The following PARP12 variants were observed in gnomAD, a reference collection of about 807,000 sequenced individuals.
PARP12 encodes protein mono-ADP-ribosyltransferase PARP12.
In PARP12, 59 loss-of-function variants were observed where a neutral mutation model predicts 72.4. The observed-to-expected ratio is 0.81, with a 90% confidence interval of 0.66 to 1.01. PARP12 has a LOEUF of 1.01. Ranked by LOEUF, PARP12 falls within the 50% of genes least tolerant of loss-of-function variation. PARP12 has a pLI of 0.00. For missense variants in PARP12, 851 were observed against 914.0 expected (o/e 0.93, Z 0.89); for synonymous variants, 403 against 371.4 (o/e 1.09, Z -0.98).
chr7:140,037,966 G>A (rs1816285315), intron 6 of PARP12, 110 bp from the exon 7 acceptor site: 1 of 1,487,536 alleles, frequency 6.7e-7, no homozygotes, highest in Non-Finnish European at 8.9e-7. Flanking sequence ...ACAGTCCTGT[G>A]GTGGGGAAGA....
chr7:140,031,462 C>G (rs1326099270), intron 8 of PARP12, among the ~76,000 whole-genome samples: 1 of 152,170 alleles, frequency 6.6e-6, no homozygotes, highest in African/African-American at 2.4e-5. Context: ...ATTTTATGAC[C>G]TCATTAATTG....
chr7:140,044,388 C>T (rs1319530657), intron 5 of PARP12, among the ~76,000 whole-genome samples: 1 of 152,114 alleles, frequency 6.6e-6, no homozygotes, highest in Non-Finnish European at 1.5e-5. Flanking sequence ...GAAATTTGAA[C>T]ACAGACACAT....
At chr7:140,033,217 G>A in intron 8 of PARP12, 2 of 985,322 alleles carry the variant, frequency 2.0e-6, no homozygotes, top group African/African-American at 3.5e-5. Flanking sequence ...AATTTAAAAA[G>A]GAAAAAGTAA....
At chr7:140,042,937 T>C (rs1585098248) in intron 5 of PARP12, among the ~76,000 whole-genome samples, 2 of 152,352 alleles carry the variant, frequency 1.3e-5, no homozygotes, top group East Asian at 3.9e-4. Flanking sequence ...GGCTCACGCC[T>C]GTAATCCCAG....
intron 8 of PARP12, chr7:140,033,545 G>A: frequency 3.0e-6 from 3 of 985,416 alleles, no homozygotes; most frequent in Non-Finnish European, 3.6e-6. Context: ...ATATGTGGCT[G>A]TGTGGTTTGG....
intron 8 of PARP12, chr7:140,034,020 G>A: frequency 8.4e-7 from 1 of 1,195,104 alleles, no homozygotes; most frequent in Non-Finnish European, 1.0e-6. Context: ...ATCACAACAG[G>A]CAGCCTTCTA....
intron 8 of PARP12, among the ~76,000 whole-genome samples, chr7:140,032,274 C>T (rs1815967209): frequency 6.6e-6 from 1 of 151,964 alleles, no homozygotes; most frequent in South Asian, 2.1e-4. Flanking sequence ...ATGATTCAAG[C>T]CCATGGAAAG....
intron 4 of PARP12, among the ~76,000 whole-genome samples, chr7:140,051,989 G>A (rs945319337): frequency 1.3e-5 from 2 of 152,194 alleles, no homozygotes; most frequent in Non-Finnish European, 1.5e-5. Flanking sequence ...CTGTTGCTGT[G>A]ACTTCTGCTC....
intron 11 of PARP12, 87 bp downstream of exon 11, chr7:140,026,110 C>G: frequency 1.3e-6 from 2 of 1,596,610 alleles, no homozygotes; most frequent in East Asian, 4.5e-5. Context: ...TCAGCTCAGG[C>G]TGGTCCCCTC....
chr7:140,061,452 TACAC>T (rs143130780), intron 1 of PARP12, among the ~76,000 whole-genome samples: 1 of 151,264 alleles, frequency 6.6e-6, no homozygotes, highest in Non-Finnish European at 1.5e-5. Flanking sequence ...AAGACAAACA[TACAC>T]ACACACACAC....
At chr7:140,037,683 G>A (rs769121023) in intron 7 of PARP12, 32 bp downstream of exon 7, 1 of 1,608,870 alleles carries the variant, frequency 6.2e-7, no homozygotes, top group Non-Finnish European at 8.5e-7. Flanking sequence ...ACACAGGCAG[G>A]CTCTGCTGGG....
At chr7:140,025,538 T>G (rs1815704894) in intron 11 of PARP12, 1 of 455,120 alleles carries the variant, frequency 2.2e-6, no homozygotes, top group African/African-American at 2.0e-5. Flanking sequence ...TGTCCTGTTC[T>G]TGGGATGTGT....
intron 1 of PARP12, among the ~76,000 whole-genome samples, chr7:140,062,066 G>C (rs1159242312): frequency 1.3e-5 from 2 of 151,920 alleles, no homozygotes; most frequent in Non-Finnish European, 2.9e-5. Flanking sequence ...CGATGGCAGG[G>C]AGTCTGCATT....
At chr7:140,032,064 G>C (rs1256933971) in intron 8 of PARP12, among the ~76,000 whole-genome samples, 1 of 152,066 alleles carries the variant, frequency 6.6e-6, no homozygotes, top group Non-Finnish European at 1.5e-5. Context: ...AAAGTTGATA[G>C]AAAAATGGAT....
chr7:140,025,361 G>C lies in PARP12; in HGVS notation c.1781-476C>G, dbSNP rs1192366216. On this transcript the variant is annotated intron_variant, in intron 11 of 11. Transcript: ENST00000263549. Reference sequence around the variant, plus strand: ...AAATCTGAGTTAGAAGCTGTCACCTGTACATTTAAATCCACAAGTCTACCA... The same window carrying C: ...AAATCTGAGTTAGAAGCTGTCACCTCTACATTTAAATCCACAAGTCTACCA... The C allele has an allele frequency of 2.3e-4, 70 of 301,274 alleles. 3 individuals are homozygous for C. Among genetic ancestry groups the C allele is most frequent in the South Asian group, 2.0e-3 (64 of 32,162 alleles). The allele number at this position is 301,274 out of a possible 1,614,324, so 18.7% of individuals were successfully genotyped here.
At chr7:140,055,395 C>A (rs1817138908) in intron 3 of PARP12, among the ~76,000 whole-genome samples, 1 of 152,130 alleles carries the variant, frequency 6.6e-6, no homozygotes, top group African/African-American at 2.4e-5. Flanking sequence ...ATAAAAAGGG[C>A]ACATAAATCC....
chr7:140,032,861 G>A (rs967417223), intron 8 of PARP12, among the ~76,000 whole-genome samples: 34 of 152,172 alleles, frequency 2.2e-4, no homozygotes, highest in Non-Finnish European at 4.7e-4. Context: ...AGAGATAACA[G>A]GGAGGAAGTT....
chr7:140,046,845 G>GCC, intron 5 of PARP12, 39 bp downstream of exon 5: 1 of 1,406,850 alleles, frequency 7.1e-7, no homozygotes, highest in African/African-American at 1.7e-5. Flanking sequence ...ACACACAGAA[G>GCC]CCCAGGCACA....
At chr7:140,037,358 G>A (rs1411560235) in intron 7 of PARP12, among the ~76,000 whole-genome samples, 1 of 152,248 alleles carries the variant, frequency 6.6e-6, no homozygotes, top group Admixed American at 6.5e-5. Flanking sequence ...CTGCAGCAGG[G>A]AGTGAAAGGC....
Sources: allele counts gnomAD v4.1 joint callset (sites outside exome capture counted in the v4.1 genomes callset), GRCh38; gene constraint gnomAD v4.1.1; transcripts MANE v1.5; gene names NCBI Gene and HGNC (gene_info 2026-07-23, HGNC 2026-07-21).